Variants in GPR161 observed in about 807,000 individuals in gnomAD.
GPR161 encodes the protein G-protein coupled receptor RE2.
A neutral mutation model predicts 39.2 loss-of-function variants in GPR161; 25 were observed. The ratio of observed to expected loss-of-function variants is 0.64; its 90% CI spans 0.47 to 0.89. GPR161 has a LOEUF of 0.89. Among genes scored for constraint, GPR161 ranks in the 40% least tolerant of loss-of-function variants. The pLI, the probability that GPR161 is intolerant of heterozygous loss-of-function variation, is 0.00. For synonymous variants in GPR161, 286 were observed against 276.6 expected, an observed-to-expected ratio of 1.03 and a Z score of -0.34; for missense variants, 547 against 677.8, an observed-to-expected ratio of 0.81 and a Z score of 2.14.
intron 1 of GPR161, chr1:168,136,055 G>C (rs1005108372): frequency 1.6e-6 from 2 of 1,247,028 alleles, no homozygotes; most frequent in Non-Finnish European, 2.0e-6. Flanking sequence ...AAGGTTGCAC[G>C]GGGGTTAAGC....
intron 1 of GPR161, among the ~76,000 whole-genome samples, chr1:168,131,368 G>C (rs772565885): frequency 1.7e-4 from 26 of 152,118 alleles, no homozygotes; most frequent in Non-Finnish European, 2.2e-4. Context: ...ATTGCTCACA[G>C]TTCTCCAAAC....
chr1:168,095,531 G>A (rs1695438027), intron 3 of GPR161, among the ~76,000 whole-genome samples: 1 of 152,174 alleles, frequency 6.6e-6, no homozygotes, highest in African/African-American at 2.4e-5. Flanking sequence ...CCCATCAAAG[G>A]TGGTGGGATT....
chr1:168,089,834 C>A (rs541309497), intron 4 of GPR161, among the ~76,000 whole-genome samples: 1 of 152,232 alleles, frequency 6.6e-6, no homozygotes, highest in Non-Finnish European at 1.5e-5. Flanking sequence ...CCCACCTCCC[C>A]GGTGCCATGA....
At chr1:168,136,346 G>T in intron 1 of GPR161, 2 of 1,476,460 alleles carry the variant, frequency 1.4e-6, no homozygotes, top group African/African-American at 1.4e-5. Context: ...TGGCCCCAGG[G>T]GGCGCGGCCC....
chr1:168,109,441 G>A (rs547786203), intron 1 of GPR161, among the ~76,000 whole-genome samples: 1 of 152,280 alleles, frequency 6.6e-6, no homozygotes, highest in Admixed American at 6.5e-5. Context: ...GAGGTTTTTA[G>A]GTGGCAGAAT....
chr1:168,085,153 CTG>C lies in GPR161; in HGVS notation c.*376_*377del, dbSNP rs1205158135. Reference sequence around the variant, plus strand: ...AGTGCACGGCTGGACTCCCAGCACACTGTGAAGAGGAGGAAATGATGCATGTG... The same window carrying C: ...AGTGCACGGCTGGACTCCCAGCACACTGAAGAGGAGGAAATGATGCATGTG... On this transcript the variant is annotated 3_prime_UTR_variant, in exon 6 of 6. Coordinates refer to ENST00000682931, the MANE Select transcript of GPR161 (RefSeq NM_001375883.1). The C allele has an allele frequency of 4.4e-6, 2 of 451,840 alleles. No individual in the cohort carries two copies. Among genetic ancestry groups the C allele is most frequent in the Admixed American group, 2.4e-5 (1 of 40,898 alleles). The allele number at this position is 451,840 out of a possible 1,614,324, so 28.0% of individuals were successfully genotyped here.
At chr1:168,119,237 TATATACAC>T (rs1697918972) in intron 1 of GPR161, among the ~76,000 whole-genome samples, 1 of 121,262 alleles carries the variant, frequency 8.2e-6, no homozygotes, top group East Asian at 2.4e-4. Context: ...CGTATATATA[TATATACAC>T]ATATATATAT....
chr1:168,117,238 T>C (rs929321811), intron 1 of GPR161, among the ~76,000 whole-genome samples: 7 of 152,228 alleles, frequency 4.6e-5, no homozygotes, highest in Admixed American at 1.3e-4. Context: ...TCCTTGAGAA[T>C]TTTATCATTT....
intron 2 of GPR161, among the ~76,000 whole-genome samples, chr1:168,101,051 C>T (rs560158610): frequency 6.6e-6 from 1 of 151,954 alleles, no homozygotes; most frequent in African/African-American, 2.4e-5. Flanking sequence ...TCTGTCTTTG[C>T]TCTCTTTTCA....
At chr1:168,136,669 T>C in intron 1 of GPR161, 70 bp downstream of exon 1, 1 of 1,167,998 alleles carries the variant, frequency 8.6e-7, no homozygotes, top group Non-Finnish European at 1.1e-6. Context: ...GCACAATGAG[T>C]TTAGCCTGGC....
chr1:168,130,957 C>T (rs1253369740), intron 1 of GPR161, among the ~76,000 whole-genome samples: 1 of 152,210 alleles, frequency 6.6e-6, no homozygotes, highest in African/African-American at 2.4e-5. Flanking sequence ...TAGGCCCTGA[C>T]TACACTTTCT....
chr1:168,130,643 A>C (rs1698917466), intron 1 of GPR161, among the ~76,000 whole-genome samples: 2 of 152,120 alleles, frequency 1.3e-5, no homozygotes, highest in Admixed American at 1.3e-4. Context: ...TTCTCTCTAT[A>C]TGTTCCCTCT....
At chr1:168,136,989 C>T (rs2102282411), upstream of GPR161, 1 of 903,480 alleles carries the variant, frequency 1.1e-6, no homozygotes, top group Non-Finnish European at 1.3e-6. Flanking sequence ...GCCCCTCCGG[C>T]CCCCGGAGCC....
intron 1 of GPR161, among the ~76,000 whole-genome samples, chr1:168,126,259 C>T (rs189733587): frequency 3.4e-4 from 52 of 152,260 alleles, no homozygotes; most frequent in African/African-American, 1.1e-3. Context: ...CCATTCCCTA[C>T]GCTGGCCACT....
intron 1 of GPR161, chr1:168,118,603 A>C (rs6696061): frequency 0.26 from 39,853 of 152,044 alleles, 6,102 homozygotes; most frequent in African/African-American, 0.42. Context: ...CCCCTTAAAT[A>C]TATACACATA....
At position 168,105,046 on chromosome 1, in the gene GPR161, C is replaced by G. The variant is rs942939013; in HGVS notation, c.-44-152G>C. 1.2e-5 allele frequency: 7 copies of G among 608,350 alleles called. No homozygotes were observed. In the African/African-American group the frequency reaches 1.3e-4, roughly 11 times the overall value. 37.7% of individuals were successfully genotyped at this position (608,350 alleles called of 1,614,324 possible). A position where few individuals can be genotyped will look rare whatever the true frequency, so the allele number is the denominator to read the frequency against. The stretch of plus-strand genomic sequence containing the variant: ...TCAGCGGGTCTTCCCCACGTAAGCG[C>G]TACATAAGTGGGCCATTTTCTACAA... On this transcript the variant is annotated intron_variant, in intron 1 of 5. Coordinates refer to ENST00000682931, the MANE Select transcript of GPR161 (RefSeq NM_001375883.1).
At position 168,104,493 on chromosome 1, in the gene GPR161, C is replaced by A; in HGVS notation, c.358G>T (p.Val120Phe). 2 of 1,613,514 alleles carry A rather than the reference C, an allele frequency of 1.2e-6. No homozygotes were observed. Among genetic ancestry groups the A allele is most frequent in the Non-Finnish European group, 1.7e-6 (2 of 1,179,538 alleles). Residue 120 changes from valine to phenylalanine, a missense_variant, in exon 2 of 6, where the codon GTC (valine) becomes TTC (phenylalanine). Coordinates refer to ENST00000682931, the MANE Select transcript of GPR161 (RefSeq NM_001375883.1). ...CATGCTTACCGGTCGATGGCAATGA[C>A]CCCGAGGGTTAGCATGCTGGCAGAG... is the stretch of plus-strand genomic sequence containing the variant. ...ISSASMLTLG[V>F]IAIDRYYAVL...
At chr1:168,090,703 C>T (rs202208982) in intron 3 of GPR161, 35 bp from the exon 4 acceptor site, 32 of 1,287,988 alleles carry the variant, frequency 2.5e-5, no homozygotes, top group Middle Eastern at 3.7e-4. Flanking sequence ...AACACAATCA[C>T]ACTCTGCAAG....
At chr1:168,128,353 T>A (rs1323139625) in intron 1 of GPR161, among the ~76,000 whole-genome samples, 3 of 152,150 alleles carry the variant, frequency 2.0e-5, no homozygotes, top group African/African-American at 7.2e-5. Flanking sequence ...CCTGGAGACA[T>A]TTTTGGTTGT....
Sources: gnomAD v4.1 joint callset for allele counts (sites outside exome capture counted in the v4.1 genomes callset) on GRCh38, gnomAD v4.1.1 for gene constraint, MANE v1.5 for transcripts, NCBI Gene and HGNC (gene_info 2026-07-23, HGNC 2026-07-21) for gene names.